CD99: variants seen among roughly 807,000 people sequenced by gnomAD.
The protein encoded by CD99 is CD99 antigen.
In CD99, 19 loss-of-function variants were observed where a neutral mutation model predicts 28.4. The ratio of observed to expected loss-of-function variants is 0.67; its 90% CI spans 0.47 to 0.98. The LOEUF is 0.98. CD99 is among the 50% of genes least tolerant of loss of function. The pLI is 0.00. For synonymous variants in CD99, 103 were observed against 92.1 expected (o/e 1.12, Z -0.67); for missense variants, 283 against 248.8 (o/e 1.14, Z -0.92).
In CD99 at chrX:2,726,293, G is replaced by A; in HGVS notation, c.395G>A (p.Gly132Glu). The part of the protein sequence containing the change: ...DAPGVIPGIV[G>E]AVVVAVAGAI... ...CCAGGCGTGATCCCCGGGATTGTGG[G>A]GGCTGTCGTGGTCGCCGTGGCTGGA... is the stretch of plus-strand genomic sequence containing the variant. The change falls in exon 8 of 10, where the codon GGG (glycine) becomes GAG (glutamate). Residue 132 changes from glycine to glutamate, a missense_variant. By Grantham distance (98) the Gly-to-Glu change is moderately conservative. Transcript: ENST00000381192. 1 of 1,611,864 alleles carries A rather than the reference G, an allele frequency of 6.2e-7. No homozygotes were observed. The highest frequency in any genetic ancestry group is 1.1e-5 in the South Asian group (1 of 90,980).
chrX:2,695,562 C>T (rs577937523), intron 1 of CD99, among the ~76,000 whole-genome samples: 123 of 152,170 alleles, frequency 8.1e-4, no homozygotes, highest in African/African-American at 2.9e-3. Context: ...CAAGCACACA[C>T]CACTGTGCCT....
intron 7 of CD99, among the ~76,000 whole-genome samples, chrX:2,723,623 C>G (rs945101115): frequency 2.0e-5 from 3 of 152,174 alleles, no homozygotes; most frequent in African/African-American, 7.2e-5. Flanking sequence ...GGCGACCCGA[C>G]CCCTACATCA....
chrX:2,722,164 T>C (rs1420130293), intron 5 of CD99, among the ~76,000 whole-genome samples: 1 of 152,146 alleles, frequency 6.6e-6, no homozygotes, highest in Non-Finnish European at 1.5e-5. Flanking sequence ...CAATTGGCCG[T>C]GGATACTTCT....
Position 2,691,306 on chromosome X carries a change from C to T in CD99, c.-55C>T. The T allele has an allele frequency of 4.8e-6, 7 of 1,447,462 alleles. No homozygotes were observed. The South Asian group carries it at 9.0e-5, about 19-fold the overall frequency. 89.7% of individuals were successfully genotyped at this position (1,447,462 alleles called of 1,614,324 possible). A position where few individuals can be genotyped will look rare whatever the true frequency, so the allele number is the denominator to read the frequency against. On this transcript the variant is annotated 5_prime_UTR_variant, in exon 1 of 10. Coordinates refer to ENST00000381192, the MANE Select transcript of CD99 (RefSeq NM_002414.5). ...GCCCGTGGGGGAGTATCTGTCCTGC[C>T]GCCTTCGCCCACGCCCTGCACTCCG...
intron 6 of CD99, 40 bp from the exon 7 acceptor site, chrX:2,723,274 C>T: frequency 6.2e-7 from 1 of 1,611,868 alleles, no homozygotes; most frequent in South Asian, 1.1e-5. Flanking sequence ...TTTCCTTGAC[C>T]CCAAACCTTC....
intron 8 of CD99, chrX:2,733,483 T>G: frequency 8.5e-7 from 1 of 1,175,202 alleles, no homozygotes; most frequent in Admixed American, 2.1e-5. Flanking sequence ...CCCCTCGCCC[T>G]GCTGGCAAAT....
intron 1 of CD99, among the ~76,000 whole-genome samples, chrX:2,712,185 A>G (rs1040827925): frequency 6.6e-6 from 1 of 152,116 alleles, no homozygotes; most frequent in African/African-American, 2.4e-5. Context: ...CTGAACTCAC[A>G]GAAGCAGAGT....
intron 7 of CD99, among the ~76,000 whole-genome samples, chrX:2,724,223 C>G (rs959129395): frequency 7.2e-5 from 11 of 152,126 alleles, no homozygotes; most frequent in Admixed American, 3.9e-4. Context: ...CGTTCTTGGC[C>G]TTCTAGAGAG....
At chrX:2,691,527 C>T in intron 1 of CD99, 100 bp downstream of exon 1, 1 of 1,303,668 alleles carries the variant, frequency 7.7e-7, no homozygotes, top group Non-Finnish European at 1.1e-6. Flanking sequence ...CGCGGGGACA[C>T]CCGGAGCCTC....
chrX:2,720,111 C>T (rs973735519), intron 4 of CD99, among the ~76,000 whole-genome samples: 7 of 152,032 alleles, frequency 4.6e-5, no homozygotes, highest in Non-Finnish European at 8.8e-5. Context: ...TTTATTTTGG[C>T]CCTAGAAATT....
intron 1 of CD99, among the ~76,000 whole-genome samples, chrX:2,711,329 T>C (rs1346938396): frequency 6.7e-6 from 1 of 148,962 alleles, no homozygotes; most frequent in Non-Finnish European, 1.5e-5. Context: ...ATATGGTGTG[T>C]ATATATGTAG....
At chrX:2,694,271 G>A (rs1480724798) in intron 1 of CD99, among the ~76,000 whole-genome samples, 1 of 150,738 alleles carries the variant, frequency 6.6e-6, no homozygotes, top group African/African-American at 2.5e-5. Flanking sequence ...GCAAGTGTGG[G>A]CTTCGTTGTT....
At chrX:2,705,899 A>G (rs2048089955) in intron 1 of CD99, among the ~76,000 whole-genome samples, 1 of 152,090 alleles carries the variant, frequency 6.6e-6, no homozygotes, top group Non-Finnish European at 1.5e-5. Flanking sequence ...ACACAGGAGG[A>G]CTTCCGGTGC....
chrX:2,740,989 T>C lies in CD99; in HGVS notation c.*185T>C. 1.4e-6 allele frequency: 1 copy of C among 710,958 alleles called. No homozygotes were observed. The highest frequency in any genetic ancestry group is 2.5e-6 in the Non-Finnish European group (1 of 406,854). 44.0% of individuals were successfully genotyped at this position (710,958 alleles called of 1,614,324 possible). On this transcript the variant is annotated 3_prime_UTR_variant, in exon 10 of 10. Coordinates refer to ENST00000381192, the MANE Select transcript of CD99 (RefSeq NM_002414.5). The stretch of plus-strand genomic sequence containing the variant: ...GCGGATGATGTTTACTAACGATGAA[T>C]TTTACATCCAAAGGGGGATAGGCAC...
chrX:2,732,686 T>C (rs2049699236), intron 8 of CD99, among the ~76,000 whole-genome samples: 1 of 137,798 alleles, frequency 7.3e-6, no homozygotes, highest in African/African-American at 3.4e-5. Context: ...CTTCCTTCTC[T>C]TTTCTTCTTA....
chrX:2,735,233 T>A (rs967638746), intron 8 of CD99, among the ~76,000 whole-genome samples: 10 of 152,218 alleles, frequency 6.6e-5, no homozygotes, highest in African/African-American at 2.4e-4. Context: ...TGTATAAATA[T>A]ATCTTCACAA....
At chrX:2,709,672 G>A (rs1449028705) in intron 1 of CD99, among the ~76,000 whole-genome samples, 1 of 121,978 alleles carries the variant, frequency 8.2e-6, no homozygotes, top group African/African-American at 2.9e-5. Context: ...GTACACATGA[G>A]CACATCCACA....
intron 1 of CD99, among the ~76,000 whole-genome samples, chrX:2,694,854 TAC>T (rs2047499170): frequency 1.3e-5 from 2 of 152,196 alleles, no homozygotes; most frequent in African/African-American, 4.8e-5. Context: ...ACTTTGGAGA[TAC>T]TCAAGTAAAT....
intron 8 of CD99, among the ~76,000 whole-genome samples, chrX:2,734,402 G>A: frequency 6.6e-6 from 1 of 151,924 alleles, no homozygotes. Flanking sequence ...CACCTCCTGG[G>A]TTCAAGCGAT....
Sources: gnomAD v4.1 joint callset for allele counts (sites outside exome capture counted in the v4.1 genomes callset) on GRCh38, gnomAD v4.1.1 for gene constraint, MANE v1.5 for transcripts, NCBI Gene and HGNC (gene_info 2026-07-23, HGNC 2026-07-21) for gene names.